The following CATSPER1 variants were observed in gnomAD, a reference collection of about 807,000 sequenced individuals.
CATSPER1 encodes the protein cation channel sperm-associated protein 1.
A neutral mutation model predicts 72.7 loss-of-function variants in CATSPER1; 57 were observed. The ratio of observed to expected loss-of-function variants is 0.78; its 90% CI spans 0.63 to 0.98. The LOEUF is 0.98. CATSPER1 is among the 50% of genes least tolerant of loss of function. The pLI, the probability that CATSPER1 is intolerant of heterozygous loss-of-function variation, is 0.00. For missense variants in CATSPER1, 910 were observed against 1,033.9 expected (o/e 0.88, Z 1.64); for synonymous variants, 363 against 403.0 (o/e 0.90, Z 1.19).
chr11:66,017,283 C>T lies in CATSPER1; in HGVS notation c.2202-109G>A, dbSNP rs1191365054. The T allele has an allele frequency of 1.1e-4, 83 of 727,092 alleles. No homozygotes were observed. The South Asian group carries it at 1.4e-3, about 12-fold the overall frequency. The allele number at this position is 727,092 out of a possible 1,614,324, so 45.0% of individuals were successfully genotyped here. On this transcript the variant is annotated intron_variant, in intron 10 of 11. Transcript: ENST00000312106. ...GCTCTTCTTGCCTGCCTCCTCCCCA[C>T]AAAATTTATATGACTGCAGACCTGC...
At chr11:66,022,563 T>C (rs1856397439) in intron 2 of CATSPER1, among the ~76,000 whole-genome samples, 1 of 152,194 alleles carries the variant, frequency 6.6e-6, no homozygotes, top group Non-Finnish European at 1.5e-5. Context: ...AAGCTCGGGC[T>C]CCAGGCGCCC....
chr11:66,019,164 G>A (rs1277651559), intron 9 of CATSPER1, among the ~76,000 whole-genome samples: 1 of 152,050 alleles, frequency 6.6e-6, no homozygotes, highest in East Asian at 1.9e-4. Flanking sequence ...GCTGAGGTTA[G>A]CCCCACCTCC....
At chr11:66,024,974 C>T (rs1856464647) in intron 1 of CATSPER1, among the ~76,000 whole-genome samples, 190 bp downstream of exon 1, 1 of 152,140 alleles carries the variant, frequency 6.6e-6, no homozygotes, top group South Asian at 2.1e-4. Flanking sequence ...ACCTCATGGC[C>T]TAAAGAGGTA....
chr11:66,020,477 C>T lies in CATSPER1; in HGVS notation c.1991+87G>A. 6.2e-7 allele frequency: 1 copy of T among 1,601,748 alleles called. No individual in the cohort carries two copies. Among genetic ancestry groups the T allele is most frequent in the African/African-American group, 1.3e-5 (1 of 74,764 alleles). On this transcript the variant is annotated intron_variant, in intron 7 of 11. Transcript: ENST00000312106. The surrounding 1 kb of genome is among the most constrained non-coding windows in gnomAD (Gnocchi z 4.5). ...TTCTTGTGGGTTCAGCGTGGCATGA[C>T]CAGGGTGAGAGGGCTGGGGTAAGGG... is the stretch of plus-strand genomic sequence containing the variant.
At chr11:66,021,323 G>T in intron 4 of CATSPER1, 138 bp from the exon 5 acceptor site, 1 of 1,206,006 alleles carries the variant, frequency 8.3e-7, no homozygotes, top group Non-Finnish European at 1.2e-6. Flanking sequence ...CCCCTCTCTG[G>T]AAAAATGAAG....
In CATSPER1 at chr11:66,017,083, C is replaced by T. The variant is rs761500535; in HGVS notation, c.2293G>A (p.Glu765Lys). ...KFRSQAAVID[E>K]IVDTTFEAGE... ...ACCTCAAATGTGGTGTCCACAATCT[C>T]ATCGATGACGGCTGCCTGGGAGCGG... Residue 765 changes from glutamate to lysine, a missense_variant, in exon 11 of 12, where the codon GAG (glutamate) becomes AAG (lysine). Coordinates refer to ENST00000312106, the MANE Select transcript of CATSPER1 (RefSeq NM_053054.4). 1.2e-6 allele frequency: 2 copies of T among 1,613,892 alleles called. No individual in the cohort carries two copies. The highest frequency in any genetic ancestry group is 2.2e-5 in the South Asian group (2 of 91,070).
At chr11:66,017,467 T>G (rs1239982171) in intron 10 of CATSPER1, among the ~76,000 whole-genome samples, 1 of 150,244 alleles carries the variant, frequency 6.7e-6, no homozygotes, top group Non-Finnish European at 1.5e-5. Context: ...CATCCACCCA[T>G]CCATCCACCC....
Position 66,017,194 on chromosome 11 carries a change from T to TGGGGGGGGGGGGGGGGGCA in CATSPER1, c.2202-21_2202-20insTGCCCCCCCCCCCCCCCCC. On this transcript the variant is annotated intron_variant, in intron 10 of 11. Coordinates refer to ENST00000312106, the MANE Select transcript of CATSPER1 (RefSeq NM_053054.4). ...TGCTGCCTGCGGGTGGGCGGGGGGGTCGCAGAGACAGGGGCTGGGCTGACC... is the reference window on the plus strand; with the variant it reads ...TGCTGCCTGCGGGTGGGCGGGGGGGTGGGGGGGGGGGGGGGGGCACGCAGAGACAGGGGCTGGGCTGACC... 1 of 550,280 alleles carries TGGGGGGGGGGGGGGGGGCA rather than the reference T, an allele frequency of 1.8e-6. No homozygotes were observed. The highest frequency in any genetic ancestry group is 3.4e-6 in the Non-Finnish European group (1 of 295,852). 34.1% of individuals were successfully genotyped at this position (550,280 alleles called of 1,614,324 possible).
chr11:66,016,933 G>A lies in CATSPER1; in HGVS notation c.2317-17C>T, dbSNP rs1856248304. ...TTCTCCAGCCTGCAGGGGTGAGTGG[G>A]GCACTGGTGGGTGAATGAGCCAGAC... On this transcript the variant is annotated splice_polypyrimidine_tract_variant and intron_variant, in intron 11 of 11. Transcript: ENST00000312106. The A allele has an allele frequency of 5.6e-6, 9 of 1,614,084 alleles. No individual in the cohort carries two copies. Among genetic ancestry groups the A allele is most frequent in the Non-Finnish European group, 7.6e-6 (9 of 1,179,982 alleles).
Position 66,020,257 on chromosome 11 carries a change from C to T in CATSPER1, c.2065-57G>A. 4 of 1,613,800 alleles carry T rather than the reference C, an allele frequency of 2.5e-6. No homozygotes were observed. The highest frequency in any genetic ancestry group is 3.4e-6 in the Non-Finnish European group (4 of 1,179,678). The stretch of plus-strand genomic sequence containing the variant: ...TCCCAGGCCTGCTCAACCCTGGAGG[C>T]CCCTGGCCTCACTCCTCCAGCTTCC... On this transcript the variant is annotated intron_variant, in intron 8 of 11. Transcript: ENST00000312106. The surrounding 1 kb of genome is among the most constrained non-coding windows in gnomAD (Gnocchi z 4.5).
chr11:66,023,071 ACAGGGC>A lies in CATSPER1; in HGVS notation c.1217-16_1217-11del. ...CGCTGGAGCCGGCCGGCTGAAAGGAACAGGGCCAGAAAGTCAAGTGTGTGCAAGAGG... is the reference window on the plus strand; with the variant it reads ...CGCTGGAGCCGGCCGGCTGAAAGGAACAGAAAGTCAAGTGTGTGCAAGAGG... On this transcript the variant is annotated splice_polypyrimidine_tract_variant and intron_variant, in intron 1 of 11. Transcript: ENST00000312106. The A allele has an allele frequency of 1.9e-6, 3 of 1,612,906 alleles. No individual in the cohort carries two copies. The South Asian group carries it at 3.3e-5, about 18-fold the overall frequency.
rs763231443 is a variant in CATSPER1 at position 66,026,219 on chromosome 11, C to T, written c.161G>A (p.Arg54His). ...CTCCGGAGGGTGGTGAGATTCACCA[C>T]GTTGGTGGGGCACGCCGTGATGGTG... Reference protein sequence around the residue: ...ELHHHGVPHQRGESHHPPEFQ... With the variant: ...ELHHHGVPHQHGESHHPPEFQ... The change falls in exon 1 of 12, where the codon CGT (arginine) becomes CAT (histidine). Residue 54 changes from arginine to histidine, a missense_variant. Physicochemically the swap from Arg to His is conservative, Grantham distance 29 (BLOSUM62 0). Transcript: ENST00000312106. The T allele has an allele frequency of 1.5e-5, 24 of 1,611,412 alleles. No homozygotes were observed. Among genetic ancestry groups the T allele is most frequent in the East Asian group, 4.5e-5 (2 of 44,796 alleles).
intron 10 of CATSPER1, 101 bp downstream of exon 10, chr11:66,018,726 T>C (rs1856289957): frequency 1.5e-6 from 2 of 1,320,280 alleles, no homozygotes; most frequent in Non-Finnish European, 1.1e-6. Flanking sequence ...CTCCATCCCC[T>C]TCTAGAGGGG....
At chr11:66,018,774 CCCCCAGGCCTCACCCTCAGA>C (rs1322429122) in intron 10 of CATSPER1, 33 bp downstream of exon 10, 3 of 1,585,818 alleles carry the variant, frequency 1.9e-6, no homozygotes, top group South Asian at 1.1e-5. Context: ...TCCAGCCAGG[CCCCCAGGCCTCACCCTCAGA>C]CCCCAGGCCT....
Position 66,020,010 on chromosome 11 carries a change from C to T in CATSPER1, c.2125+130G>A, listed in dbSNP as rs1004959976. 19 of 935,346 alleles carry T rather than the reference C, an allele frequency of 2.0e-5. No individual in the cohort carries two copies. Among genetic ancestry groups the T allele is most frequent in the Non-Finnish European group, 2.8e-5 (17 of 606,024 alleles). The allele number at this position is 935,346 out of a possible 1,614,324, so 57.9% of individuals were successfully genotyped here. ...TAGGGTCCTCTGGACTAAAGTCCTC[C>T]TGAGTCTCAAATTCTAAAACTCTAA... On this transcript the variant is annotated intron_variant, in intron 9 of 11. Transcript: ENST00000312106. The surrounding 1 kb of genome is among the most constrained non-coding windows in gnomAD (Gnocchi z 4.5).
rs1009778390 is a variant in CATSPER1 at position 66,025,099 on chromosome 11, G to C, written c.1216+65C>G. On this transcript the variant is annotated intron_variant, in intron 1 of 11. Transcript: ENST00000312106. ...ATCTGCGGAAGGACAGTGCGGGGCC[G>C]AGATCAGGTCTGGATCCTGCGCCAG... The C allele has an allele frequency of 3.1e-6, 5 of 1,604,284 alleles. No homozygotes were observed. The African/African-American group carries it at 4.0e-5, about 13-fold the overall frequency.
chr11:66,025,303 C>A lies in CATSPER1; in HGVS notation c.1077G>T (p.Ser359=). ...FPYHVAHPRG[S]AHSMTRSSST... ...TGGAGGACCGAGTCATGCTGTGAGC[C>A]GAGCCCCGTGGGTGTGCTACGTGAT... Residue 359 remains serine, a synonymous_variant, in exon 1 of 12, where the codon TCG becomes TCT. Coordinates refer to ENST00000312106, the MANE Select transcript of CATSPER1 (RefSeq NM_053054.4). 1 of 1,614,132 alleles carries A rather than the reference C, an allele frequency of 6.2e-7. No individual in the cohort carries two copies. Among genetic ancestry groups the A allele is most frequent in the Non-Finnish European group, 8.5e-7 (1 of 1,180,018 alleles).
intron 10 of CATSPER1, among the ~76,000 whole-genome samples, chr11:66,017,857 G>A (rs1179121365): frequency 6.6e-6 from 1 of 152,200 alleles, no homozygotes; most frequent in Non-Finnish European, 1.5e-5. Flanking sequence ...CCTGATGCTG[G>A]CGACCTGGAA....
At position 66,021,887 on chromosome 11, in the gene CATSPER1, A is replaced by C. The variant is rs771981376; in HGVS notation, c.1430-8T>G. 1 of 1,602,656 alleles carries C rather than the reference A, an allele frequency of 6.2e-7. No individual in the cohort carries two copies. Among genetic ancestry groups the C allele is most frequent in the Non-Finnish European group, 8.5e-7 (1 of 1,169,906 alleles). ...AGGCCATGAAGTACCACTCTGCAGGAACACAGGGGTGCACTCAGAGCTGTC... is the reference window on the plus strand; with the variant it reads ...AGGCCATGAAGTACCACTCTGCAGGCACACAGGGGTGCACTCAGAGCTGTC... On this transcript the variant is annotated splice_polypyrimidine_tract_variant and splice_region_variant and intron_variant, in intron 2 of 11. Transcript: ENST00000312106.
Sources: gnomAD v4.1 joint callset for allele counts (sites outside exome capture counted in the v4.1 genomes callset) on GRCh38, gnomAD v4.1.1 for gene constraint, Gnocchi (gnomAD v3.1) non-coding constraint, MANE v1.5 for transcripts, NCBI Gene and HGNC (gene_info 2026-07-23, HGNC 2026-07-21) for gene names.